The following ZNF700 variants were observed in gnomAD, a reference collection of about 807,000 sequenced individuals.
The protein encoded by ZNF700 is zinc finger protein 700.
ZNF700 carries 38 observed loss-of-function variants against 65.3 expected under a neutral mutation model. The observed-to-expected ratio is 0.58, with a 90% CI of 0.45 to 0.76. The LOEUF (loss-of-function observed/expected upper bound fraction) is 0.76. ZNF700 is among the 30% of genes least tolerant of loss of function. ZNF700 has a pLI of 0.00. For missense variants in ZNF700, 857 were observed against 888.4 expected, an observed-to-expected ratio of 0.96 and a Z score of 0.45; for synonymous variants, 285 against 290.4, an observed-to-expected ratio of 0.98 and a Z score of 0.19.
chr19:11,949,076 C>A lies in ZNF700; in HGVS notation c.1052C>A (p.Thr351Lys), dbSNP rs755382156. The change falls in exon 4 of 4, where the codon ACA becomes AAA. Residue 351 changes from threonine (T) to lysine (K), a missense_variant. Thr to Lys is a moderately conservative substitution (Grantham distance 78). Around this residue, in one of 3 missense-constraint regions of ZNF700, gnomAD observed 603 missense variants for 619.9 expected, o/e 0.97. Transcript: ENST00000254321. ...EGLSYLISFQ[T>K]HIRMNSGERP... ...TTATCCTATCTTATAAGTTTTCAAA[C>A]ACACATAAGAATGAACTCTGGAGAA... 1 of 1,609,840 alleles carries A rather than the reference C, an allele frequency of 6.2e-7. No homozygotes were observed. Among genetic ancestry groups the A allele is most frequent in the Non-Finnish European group, 8.5e-7 (1 of 1,179,180 alleles).
At chr19:11,938,569 CT>C (rs1252332700) in intron 1 of ZNF700, among the ~76,000 whole-genome samples, 1 of 152,048 alleles carries the variant, frequency 6.6e-6, no homozygotes, top group African/African-American at 2.4e-5. Flanking sequence ...TGAACTCATC[CT>C]TTTTTGTGGC....
chr19:11,933,598 CAG>C (rs1308458188), intron 1 of ZNF700, among the ~76,000 whole-genome samples: 1 of 147,886 alleles, frequency 6.8e-6, no homozygotes, highest in African/African-American at 2.7e-5. Flanking sequence ...TTGCATTTTC[CAG>C]AATATTAAAT....
At chr19:11,929,545 T>G (rs1972683423) in intron 1 of ZNF700, among the ~76,000 whole-genome samples, 1 of 148,414 alleles carries the variant, frequency 6.7e-6, no homozygotes. Context: ...TGTGCCTGAT[T>G]AAGCATGAAT....
In ZNF700 at chr19:11,950,357, A is replaced by C; in HGVS notation, c.*104A>C. 33 of 1,186,480 alleles carry C rather than the reference A, an allele frequency of 2.8e-5. No individual in the cohort carries two copies. Among genetic ancestry groups the C allele is most frequent in the Non-Finnish European group, 3.4e-5 (28 of 817,312 alleles). The allele number at this position is 1,186,480 out of a possible 1,614,324, so 73.5% of individuals were successfully genotyped here. ...ACATTTTCCAGTTCTTTTCGATATCATGAAAGGACTCACACTGGGGAGAAA... is the reference window on the plus strand; with the variant it reads ...ACATTTTCCAGTTCTTTTCGATATCCTGAAAGGACTCACACTGGGGAGAAA... On this transcript the variant is annotated 3_prime_UTR_variant, in exon 4 of 4. Transcript: ENST00000254321.
At chr19:11,925,306 G>T (rs1432049745) in intron 1 of ZNF700, 33 bp downstream of exon 1, 1 of 1,607,828 alleles carries the variant, frequency 6.2e-7, no homozygotes, top group African/African-American at 1.3e-5. Flanking sequence ...CGTGAGACGG[G>T]GGAGGGGCTG....
In ZNF700 at chr19:11,946,526, G is replaced by T. The variant is rs571661278; in HGVS notation, c.64-655G>T. ...GCCTGTCCTCTCAACCACTGTGGGGGGTCTAAAACCAGCTGTAACTAAGTG... is the reference window on the plus strand; with the variant it reads ...GCCTGTCCTCTCAACCACTGTGGGGTGTCTAAAACCAGCTGTAACTAAGTG... On this transcript the variant is annotated intron_variant, in intron 1 of 3. Coordinates refer to ENST00000254321, the MANE Select transcript of ZNF700 (RefSeq NM_144566.3). Among the ~76,000 whole-genome samples, 253 of 152,130 alleles carry T rather than the reference G, an allele frequency of 1.7e-3. 3 individuals carry two copies. Among genetic ancestry groups the T allele is most frequent in the African/African-American group, 5.7e-3 (238 of 41,494 alleles).
chr19:11,943,038 G>A (rs2145293886), intron 1 of ZNF700, among the ~76,000 whole-genome samples: 1 of 152,306 alleles, frequency 6.6e-6, no homozygotes, highest in Admixed American at 6.5e-5. Flanking sequence ...GGTGGACCAA[G>A]GTAGTGACAA....
intron 1 of ZNF700, among the ~76,000 whole-genome samples, chr19:11,928,838 G>T (rs1972674358): frequency 6.8e-6 from 1 of 147,708 alleles, no homozygotes; most frequent in East Asian, 1.9e-4. Flanking sequence ...CCAGCACTGT[G>T]GGAAGCCAAG....
chr19:11,937,836 T>C (rs575166157), intron 1 of ZNF700, among the ~76,000 whole-genome samples: 1 of 152,290 alleles, frequency 6.6e-6, no homozygotes, highest in South Asian at 2.1e-4. Flanking sequence ...TTATGGAATC[T>C]TCTCTTGTAT....
Position 11,925,152 on chromosome 19 carries a change from C to A in ZNF700, c.-59C>A. 1.3e-6 allele frequency: 2 copies of A among 1,599,784 alleles called. No homozygotes were observed. Among genetic ancestry groups the A allele is most frequent in the Admixed American group, 1.7e-5 (1 of 59,410 alleles). On this transcript the variant is annotated 5_prime_UTR_variant, in exon 1 of 4. Transcript: ENST00000254321. ...GGGCGGCGGTTGGTAACCGGTCAGA[C>A]CAGCCCGAGAGGGACCTGGTGCCTG... is the stretch of plus-strand genomic sequence containing the variant.
At chr19:11,936,401 C>T (rs1225316978) in intron 1 of ZNF700, among the ~76,000 whole-genome samples, 2 of 152,202 alleles carry the variant, frequency 1.3e-5, no homozygotes, top group Non-Finnish European at 2.9e-5. Flanking sequence ...GAGATGGTAT[C>T]TCATTGTGGT....
rs1568297517 is a variant in ZNF700, at chr19:11,948,471, T to C, written c.447T>C (p.Thr149=). The C allele has an allele frequency of 1.9e-6, 3 of 1,614,080 alleles. No individual in the cohort carries two copies. The East Asian group carries it at 6.7e-5, about 36-fold the overall frequency. The part of the protein sequence containing the change: ...SSFNMSIRGD[T]GHKAYEYQEY... Reference sequence around the variant, plus strand: ...TTAATATGAGCATCAGAGGTGACACTGGACACAAGGCATATGAGTATCAGG... The same window carrying C: ...TTAATATGAGCATCAGAGGTGACACCGGACACAAGGCATATGAGTATCAGG... Residue 149 remains threonine, a synonymous_variant, in exon 4 of 4, where the codon ACT becomes ACC. Transcript: ENST00000254321.
At chr19:11,948,237 TAAAC>T in intron 3 of ZNF700, 35 bp from the exon 4 acceptor site, 1 of 1,592,500 alleles carries the variant, frequency 6.3e-7, no homozygotes, top group Non-Finnish European at 8.5e-7. Context: ...GAAGTACTTG[TAAAC>T]AAACCCTTCA....
Position 11,947,246 on chromosome 19 carries a change from T to G in ZNF700, c.129T>G (p.Ile43Met). The G allele has an allele frequency of 6.2e-7, 1 of 1,614,120 alleles. No individual in the cohort carries two copies. Among genetic ancestry groups the G allele is most frequent in the Non-Finnish European group, 8.5e-7 (1 of 1,180,016 alleles). ...FTQEEWTLLD[I>M]SQKNLFREVM... ...AGGAAGAGTGGACATTGCTGGATAT[T>G]TCCCAGAAGAATCTCTTCAGGGAAG... is the stretch of plus-strand genomic sequence containing the variant. The change falls in exon 2 of 4, where the codon ATT (isoleucine) becomes ATG (methionine). Residue 43 changes from isoleucine (I) to methionine (M), a missense_variant. This residue lies in a region of ZNF700 where 603 missense variants were observed against 619.9 expected (regional missense o/e 0.97). Transcript: ENST00000254321.
Position 11,948,476 on chromosome 19 carries a change from A to G in ZNF700, c.452A>G (p.His151Arg). The change falls in exon 4 of 4, where the codon CAC (histidine) becomes CGC (arginine). Residue 151 changes from histidine (H) to arginine (R), a missense_variant. His to Arg is a conservative substitution (Grantham distance 29). This residue lies in a region of ZNF700 where 603 missense variants were observed against 619.9 expected (regional missense o/e 0.97). Transcript: ENST00000254321. ...ATGAGCATCAGAGGTGACACTGGACACAAGGCATATGAGTATCAGGAATAT... is the reference window on the plus strand; with the variant it reads ...ATGAGCATCAGAGGTGACACTGGACGCAAGGCATATGAGTATCAGGAATAT... Reference protein sequence around the residue: ...FNMSIRGDTGHKAYEYQEYGP... With the variant: ...FNMSIRGDTGRKAYEYQEYGP... 4 of 1,614,164 alleles carry G rather than the reference A, an allele frequency of 2.5e-6. No homozygotes were observed. The highest frequency in any genetic ancestry group is 3.4e-6 in the Non-Finnish European group (4 of 1,180,014).
At position 11,948,600 on chromosome 19, in the gene ZNF700, A is replaced by C; in HGVS notation, c.576A>C (p.Lys192Asn). 1 of 1,609,140 alleles carries C rather than the reference A, an allele frequency of 6.2e-7. No homozygotes were observed. Among genetic ancestry groups the C allele is most frequent in the Non-Finnish European group, 8.5e-7 (1 of 1,178,982 alleles). The change falls in exon 4 of 4, where the codon AAA becomes AAC. Residue 192 changes from lysine to asparagine, a missense_variant. Physicochemically the swap from Lys to Asn is moderately conservative, Grantham distance 94 (BLOSUM62 0). Transcript: ENST00000254321. Reference protein sequence around the residue: ...RTQERDHTGEKPYACKVCGKT... With the variant: ...RTQERDHTGENPYACKVCGKT... ...AAGAAAGGGATCACACTGGAGAGAAACCCTATGCTTGTAAAGTCTGTGGAA... is the reference window on the plus strand; with the variant it reads ...AAGAAAGGGATCACACTGGAGAGAACCCCTATGCTTGTAAAGTCTGTGGAA...
rs762538065 is a variant in ZNF700, at chr19:11,948,264, C to T, written c.252-12C>T. 1 of 1,608,232 alleles carries T rather than the reference C, an allele frequency of 6.2e-7. No individual in the cohort carries two copies. Among genetic ancestry groups the T allele is most frequent in the Non-Finnish European group, 8.5e-7 (1 of 1,178,506 alleles). ...AACAAACCCTTCATGATGTGTTTCT[C>T]ATGTTTTACAGGAGTCTCATAGAAG... is the stretch of plus-strand genomic sequence containing the variant. On this transcript the variant is annotated splice_polypyrimidine_tract_variant and intron_variant, in intron 3 of 3. Transcript: ENST00000254321.
intron 1 of ZNF700, among the ~76,000 whole-genome samples, chr19:11,939,618 G>A (rs919874821): frequency 5.3e-5 from 8 of 152,020 alleles, no homozygotes; most frequent in African/African-American, 9.7e-5. Context: ...ATGCTGTTGC[G>A]CCTGGCTAAT....
intron 1 of ZNF700, among the ~76,000 whole-genome samples, chr19:11,935,640 T>C (rs1164721412): frequency 2.0e-5 from 3 of 152,192 alleles, no homozygotes; most frequent in Non-Finnish European, 4.4e-5. Context: ...AATTATTTTG[T>C]CCCAGTCTGT....
Sources: gnomAD v4.1 joint callset for allele counts (sites outside exome capture counted in the v4.1 genomes callset) on GRCh38, gnomAD v4.1.1 for gene constraint, gnomAD v4.1.1 regional missense constraint, MANE v1.5 for transcripts, NCBI Gene and HGNC (gene_info 2026-07-23, HGNC 2026-07-21) for gene names.